Variants in NF2 observed in about 807,000 individuals in gnomAD.
NF2 encodes merlin.
Under a neutral mutation model 83.7 loss-of-function variants are expected in NF2, and 8 were observed. The observed-to-expected ratio is 0.10, with a 90% confidence interval of 0.06 to 0.17. NF2 has a LOEUF of 0.17. NF2 is among the 10% of genes least tolerant of loss of function. The pLI is 1.00. For synonymous variants in NF2, 266 were observed against 269.6 expected (o/e 0.99, Z 0.13); for missense variants, 533 against 744.4 (o/e 0.72, Z 3.31).
In NF2 at chr22:29,695,184, A is replaced by G; in HGVS notation, c.*382A>G. 1 of 416,094 alleles carries G rather than the reference A, an allele frequency of 2.4e-6. No homozygotes were observed. The highest frequency in any genetic ancestry group is 2.7e-5 in the South Asian group (1 of 36,664). The allele number at this position is 416,094 out of a possible 1,614,324, so 25.8% of individuals were successfully genotyped here. A position where few individuals can be genotyped will look rare whatever the true frequency, so the allele number is the denominator to read the frequency against. On this transcript the variant is annotated 3_prime_UTR_variant, in exon 16 of 16. Coordinates refer to ENST00000338641, the MANE Select transcript of NF2 (RefSeq NM_000268.4). This position sits in a 1 kb window ranked among gnomAD's most constrained non-coding sequence, Gnocchi z 5.4. ...TAGGGAGTGAGACACTGAAGCCCTG[A>G]GAAGCCAGTGCCATCATCCCCACCC...
In NF2 at chr22:29,662,591, T is replaced by G. The variant is rs150416912; in HGVS notation, c.810+1252T>G. 1.3e-3 allele frequency among the ~76,000 whole-genome samples: 192 copies of G among 152,314 alleles called. 2 individuals carry two copies. The highest frequency in any genetic ancestry group is 4.5e-3 in the African/African-American group (186 of 41,562). The stretch of plus-strand genomic sequence containing the variant: ...GTGGAAGAGACATGATGACAACAAA[T>G]GTAGTCTTCCACATACAAGCACATT... On this transcript the variant is annotated intron_variant, in intron 8 of 15. Coordinates refer to ENST00000338641, the MANE Select transcript of NF2 (RefSeq NM_000268.4).
intron 4 of NF2, among the ~76,000 whole-genome samples, chr22:29,644,707 T>A (rs865781774): frequency 1.5e-3 from 229 of 151,826 alleles, no homozygotes; most frequent in African/African-American, 5.3e-3. Flanking sequence ...TCACTCGCGG[T>A]TAGGAGCTGG....
At chr22:29,619,025 T>C (rs1350868764) in intron 1 of NF2, among the ~76,000 whole-genome samples, 1 of 152,128 alleles carries the variant, frequency 6.6e-6, no homozygotes, top group Non-Finnish European at 1.5e-5. Context: ...GAAACTTCTA[T>C]TCCTGTTTCA....
chr22:29,648,131 A>AAAAT (rs56407600), intron 4 of NF2, among the ~76,000 whole-genome samples: 29,829 of 145,042 alleles, frequency 0.21, 3,362 homozygotes, highest in African/African-American at 0.29. Flanking sequence ...ACTCCATCTC[A>AAAAT]AAATAAATAA....
chr22:29,624,829 C>CTTTA (rs1367579714), intron 1 of NF2, among the ~76,000 whole-genome samples: 1 of 146,750 alleles, frequency 6.8e-6, no homozygotes, highest in East Asian at 2.0e-4. Context: ...TTCTTTCTTT[C>CTTTA]TTTCTTTCTT....
intron 6 of NF2, 99 bp from the exon 7 acceptor site, chr22:29,658,090 C>G (rs2066367040): frequency 1.8e-6 from 2 of 1,083,910 alleles, no homozygotes; most frequent in South Asian, 2.6e-5. Flanking sequence ...CGACGTGGCT[C>G]TAGAGGAATG....
At chr22:29,666,543 G>A (rs1165979584) in intron 9 of NF2, among the ~76,000 whole-genome samples, 7 of 152,142 alleles carry the variant, frequency 4.6e-5, no homozygotes, top group Admixed American at 4.6e-4. Flanking sequence ...GGGCTAGGTG[G>A]GGTGGCTCAC....
intron 1 of NF2, among the ~76,000 whole-genome samples, chr22:29,620,957 T>TAA (rs2065204314): frequency 6.6e-6 from 1 of 152,150 alleles, no homozygotes; most frequent in African/African-American, 2.4e-5. Context: ...ACTTCATCTT[T>TAA]AAGTGGGGAA....
chr22:29,658,103 A>G (rs1371108364), intron 6 of NF2, 86 bp from the exon 7 acceptor site: 5 of 1,226,006 alleles, frequency 4.1e-6, no homozygotes, highest in African/African-American at 3.0e-5. Context: ...GAGGAATGGC[A>G]GGGTCAGAAT....
At chr22:29,674,404 G>A (rs1235184080) in intron 12 of NF2, among the ~76,000 whole-genome samples, 1 of 152,222 alleles carries the variant, frequency 6.6e-6, no homozygotes, top group African/African-American at 2.4e-5. Flanking sequence ...GCCCACTGGT[G>A]TTTTATCCGG....
chr22:29,675,995 G>A (rs2066951348), intron 13 of NF2, among the ~76,000 whole-genome samples: 1 of 152,156 alleles, frequency 6.6e-6, no homozygotes, highest in Non-Finnish European at 1.5e-5. Flanking sequence ...CAAGCCAGCT[G>A]TGTGGCTTTG....
intron 13 of NF2, among the ~76,000 whole-genome samples, chr22:29,677,491 A>G (rs1453979687): frequency 6.6e-6 from 1 of 150,480 alleles, no homozygotes; most frequent in African/African-American, 2.4e-5. Flanking sequence ...TTGTGCTGGG[A>G]TGAAAGTCCA....
chr22:29,626,130 G>A (rs986087481), intron 1 of NF2, among the ~76,000 whole-genome samples: 58 of 150,994 alleles, frequency 3.8e-4, no homozygotes, highest in African/African-American at 1.2e-3. Flanking sequence ...TTCAGCCCAC[G>A]GTAGTTCTCA....
Position 29,683,406 on chromosome 22 carries a change from A to G in NF2, c.1737+1805A>G, listed in dbSNP as rs963303232. 12 of 1,298,526 alleles carry G rather than the reference A, an allele frequency of 9.2e-6. No individual in the cohort carries two copies. In the African/African-American group the frequency reaches 1.6e-4, roughly 18 times the overall value. The allele number at this position is 1,298,526 out of a possible 1,614,324, so 80.4% of individuals were successfully genotyped here. A position where few individuals can be genotyped will look rare whatever the true frequency, so the allele number is the denominator to read the frequency against. ...TCTAAAAGTCCTTTGTCTTGGTGGC[A>G]TACTCCTAGCATGGAAATGGGGTCA... On this transcript the variant is annotated intron_variant, in intron 15 of 15. Coordinates refer to ENST00000338641, the MANE Select transcript of NF2 (RefSeq NM_000268.4).
intron 1 of NF2, among the ~76,000 whole-genome samples, chr22:29,605,822 G>C (rs775020211): frequency 7.2e-5 from 11 of 152,194 alleles, no homozygotes; most frequent in African/African-American, 2.6e-4. Context: ...CTGTAATACC[G>C]GGCACTGCTC....
chr22:29,619,428 G>A (rs111466219), intron 1 of NF2, among the ~76,000 whole-genome samples: 6,213 of 150,824 alleles, frequency 0.041, 175 homozygotes, highest in Non-Finnish European at 0.071. Flanking sequence ...ATGGAGTCTC[G>A]CTCTGTTGCC....
At position 29,639,076 on chromosome 22, in the gene NF2, C is replaced by T. The variant is rs775172700; in HGVS notation, c.241-14C>T. 4 of 1,614,218 alleles carry T rather than the reference C, an allele frequency of 2.5e-6. No homozygotes were observed. Among genetic ancestry groups the T allele is most frequent in the Non-Finnish European group, 3.4e-6 (4 of 1,180,032 alleles). ...CAATATAGTGTGTTTGTCTTTTGCT[C>T]TGCAATTCTGCAGGTACTGGATCAT... On this transcript the variant is annotated splice_polypyrimidine_tract_variant and intron_variant, in intron 2 of 15. Transcript: ENST00000338641.
At chr22:29,689,891 G>C (rs981708960) in intron 15 of NF2, among the ~76,000 whole-genome samples, 10 of 152,254 alleles carry the variant, frequency 6.6e-5, no homozygotes, top group Admixed American at 3.3e-4. Context: ...TGCTGCTGCA[G>C]GCTCCGTGCC....
intron 1 of NF2, among the ~76,000 whole-genome samples, chr22:29,614,615 C>T (rs1018187122): frequency 2.0e-5 from 3 of 151,092 alleles, no homozygotes; most frequent in African/African-American, 4.9e-5. Flanking sequence ...GGCATGGTGG[C>T]GGGCACCTGT....
Sources: allele counts gnomAD v4.1 joint callset (sites outside exome capture counted in the v4.1 genomes callset), GRCh38; gene constraint gnomAD v4.1.1; non-coding constraint Gnocchi (gnomAD v3.1); transcripts MANE v1.5; gene names NCBI Gene and HGNC (gene_info 2026-07-23, HGNC 2026-07-21).